Variants in HPS1 observed in about 807,000 individuals in gnomAD.
The protein encoded by HPS1 is HPS1 biogenesis of lysosomal organelles complex 3 subunit 1, also known as BLOC-3 complex member HPS1.
HPS1 carries 59 observed loss-of-function variants against 90.6 expected under a neutral mutation model. The ratio of observed to expected loss-of-function variants is 0.65; its 90% CI spans 0.53 to 0.81. HPS1 has a LOEUF of 0.81. Among genes scored for constraint, HPS1 ranks in the 30% least tolerant of loss-of-function variants. The pLI is 0.00. For missense variants in HPS1, 849 were observed against 896.7 expected (o/e 0.95, Z 0.68); for synonymous variants, 388 against 384.4 (o/e 1.01, Z -0.11).
At position 98,435,809 on chromosome 10, in the gene HPS1, G is replaced by A. The variant is rs1465931785; in HGVS notation, c.118-37C>T. On this transcript the variant is annotated intron_variant, in intron 3 of 19. Coordinates refer to ENST00000361490, the MANE Select transcript of HPS1 (RefSeq NM_000195.5). The surrounding 1 kb of genome is among the most constrained non-coding windows in gnomAD (Gnocchi z 4.3). ...GGGGAAAATTTCACAGCTTAGAGTG[G>A]GCCAGACACCAAGAACTAAGGAAGG... 5.0e-6 allele frequency: 8 copies of A among 1,613,880 alleles called. No homozygotes were observed. The highest frequency in any genetic ancestry group is 6.8e-6 in the Non-Finnish European group (8 of 1,179,896).
At chr10:98,415,849 T>G (rs1403907597), downstream of HPS1, among the ~76,000 whole-genome samples, 3 of 152,242 alleles carry the variant, frequency 2.0e-5, no homozygotes, top group African/African-American at 7.2e-5. Context: ...GCCTGGCCAG[T>G]TCTCCTCTTT....
At chr10:98,419,345 C>T (rs757584980) in intron 18 of HPS1, among the ~76,000 whole-genome samples, 11 of 151,858 alleles carry the variant, frequency 7.2e-5, no homozygotes, top group South Asian at 4.2e-4. Context: ...TGGTGACAAG[C>T]GAGATGCAAA....
chr10:98,426,120 G>T (rs1845574800), intron 11 of HPS1, 135 bp from the exon 12 acceptor site: 4 of 747,696 alleles, frequency 5.3e-6, no homozygotes, highest in Non-Finnish European at 8.7e-6. Flanking sequence ...CCTGCACTCT[G>T]CTGAACCTGC....
At chr10:98,439,270 C>T (rs982133381) in intron 3 of HPS1, among the ~76,000 whole-genome samples, 3 of 152,162 alleles carry the variant, frequency 2.0e-5, no homozygotes, top group Admixed American at 1.3e-4. Flanking sequence ...CATCCTCTAG[C>T]CCCCAGAATG....
rs932959089 is a variant in HPS1 at position 98,441,261 on chromosome 10, A to T, written c.117+1863T>A. Among the ~76,000 whole-genome samples the T allele has an allele frequency of 3.2e-4, 48 of 152,226 alleles. 1 individual carries two copies. Among genetic ancestry groups the T allele is most frequent in the Non-Finnish European group, 1.2e-4 (8 of 68,042 alleles). ...TACTCCTTTAAAATGTAGAGTGGAAATTATGTAAGTGAAAATGACAAGTAT... is the reference window on the plus strand; with the variant it reads ...TACTCCTTTAAAATGTAGAGTGGAATTTATGTAAGTGAAAATGACAAGTAT... On this transcript the variant is annotated intron_variant, in intron 3 of 19. Transcript: ENST00000361490.
In HPS1 at chr10:98,417,533, G is replaced by T. The variant is rs1223596480; in HGVS notation, c.*31C>A. 2 of 1,592,836 alleles carry T rather than the reference G, an allele frequency of 1.3e-6. No individual in the cohort carries two copies. On this transcript the variant is annotated 3_prime_UTR_variant, in exon 20 of 20. Transcript: ENST00000361490. This position sits in a 1 kb window ranked among gnomAD's most constrained non-coding sequence, Gnocchi z 4.2. ...GGCAAGCAAGGGTGGCTGGAGGACA[G>T]GATGCAAAGGCAGACTGCGGCCACC...
intron 3 of HPS1, among the ~76,000 whole-genome samples, chr10:98,440,154 T>C (rs903221698): frequency 1.3e-5 from 2 of 152,168 alleles, no homozygotes; most frequent in Non-Finnish European, 2.9e-5. Flanking sequence ...GGTAAGAAAA[T>C]GGACTAATAC....
At chr10:98,429,342 T>G (rs571560963) in intron 10 of HPS1, 1 of 1,462,094 alleles carries the variant, frequency 6.8e-7, no homozygotes, top group African/African-American at 1.4e-5. Context: ...AATCAACTTG[T>G]CATCAACAGC....
intron 13 of HPS1, among the ~76,000 whole-genome samples, chr10:98,425,097 A>G (rs1845417809): frequency 1.3e-5 from 2 of 152,158 alleles, no homozygotes; most frequent in Admixed American, 1.3e-4. Context: ...CCCTAAGCTC[A>G]CTGGGGGTGG....
At chr10:98,438,068 G>GT (rs1343235183) in intron 3 of HPS1, among the ~76,000 whole-genome samples, 1 of 152,196 alleles carries the variant, frequency 6.6e-6, no homozygotes, top group Non-Finnish European at 1.5e-5. Flanking sequence ...CACCACGACT[G>GT]TAAGTTTCCT....
intron 16 of HPS1, among the ~76,000 whole-genome samples, chr10:98,422,739 T>C (rs1392426534): frequency 6.6e-6 from 1 of 152,198 alleles, no homozygotes; most frequent in Admixed American, 6.5e-5. Flanking sequence ...ACTTGCACAT[T>C]TGACACGGGC....
Position 98,435,660 on chromosome 10 carries a change from C to T in HPS1, c.230G>A (p.Gly77Asp), listed in dbSNP as rs1847215719. Residue 77 changes from glycine (G) to aspartate (D), a missense_variant, in exon 4 of 20, where the codon GGC becomes GAC. Coordinates refer to ENST00000361490, the MANE Select transcript of HPS1 (RefSeq NM_000195.5). The surrounding 1 kb of genome is among the most constrained non-coding windows in gnomAD (Gnocchi z 4.3). Reference protein sequence around the residue: ...DTYTCFSTENGNFLYVLHLFG... With the variant: ...DTYTCFSTENDNFLYVLHLFG... ...CAGGTGAAGGACATACAGGAAGTTG[C>T]CATTTTCCGTGGAGAAGCAGGTGTA... is the stretch of plus-strand genomic sequence containing the variant. 2 of 1,614,166 alleles carry T rather than the reference C, an allele frequency of 1.2e-6. No homozygotes were observed. Among genetic ancestry groups the T allele is most frequent in the Non-Finnish European group, 1.7e-6 (2 of 1,180,030 alleles).
intron 3 of HPS1, among the ~76,000 whole-genome samples, chr10:98,438,374 A>C (rs578127321): frequency 6.6e-6 from 1 of 152,358 alleles, no homozygotes; most frequent in South Asian, 2.1e-4. Flanking sequence ...TCTGATAGTG[A>C]TATGGACAAT....
At chr10:98,428,596 A>G (rs1426521503) in intron 10 of HPS1, among the ~76,000 whole-genome samples, 4 of 152,108 alleles carry the variant, frequency 2.6e-5, no homozygotes, top group African/African-American at 9.7e-5. Flanking sequence ...AAAAGCAGCC[A>G]CATAATAAAT....
At chr10:98,436,039 C>T (rs1240233095) in intron 3 of HPS1, among the ~76,000 whole-genome samples, 1 of 152,152 alleles carries the variant, frequency 6.6e-6, no homozygotes, top group African/African-American at 2.4e-5. Context: ...GGCCTCATTA[C>T]AACAGTGGAA....
chr10:98,417,748 G>T lies in HPS1; in HGVS notation c.1941-22C>A. On this transcript the variant is annotated intron_variant, in intron 19 of 19. Coordinates refer to ENST00000361490, the MANE Select transcript of HPS1 (RefSeq NM_000195.5). This position sits in a 1 kb window ranked among gnomAD's most constrained non-coding sequence, Gnocchi z 4.2. ...CTTCCTGGGGAGGAAGGGGAGGATGGGATTCAGGAGTGAGGCTGTGGCACT... is the reference window on the plus strand; with the variant it reads ...CTTCCTGGGGAGGAAGGGGAGGATGTGATTCAGGAGTGAGGCTGTGGCACT... The T allele has an allele frequency of 6.2e-7, 1 of 1,612,316 alleles. No individual in the cohort carries two copies.
At chr10:98,429,960 G>A in intron 8 of HPS1, 71 bp from the exon 9 acceptor site, 1 of 1,399,706 alleles carries the variant, frequency 7.1e-7, no homozygotes, top group African/African-American at 1.4e-5. Context: ...CTGCCTCCCA[G>A]CGCTTCACAG....
intron 17 of HPS1, among the ~76,000 whole-genome samples, chr10:98,420,790 T>C (rs1844747200): frequency 6.6e-6 from 1 of 152,158 alleles, no homozygotes; most frequent in African/African-American, 2.4e-5. Flanking sequence ...AGGGACATCA[T>C]TAATGAACAC....
intron 16 of HPS1, 93 bp from the exon 17 acceptor site, chr10:98,422,606 G>A (rs1845038153): frequency 7.7e-7 from 1 of 1,299,356 alleles, no homozygotes; most frequent in Admixed American, 1.7e-5. Context: ...ATGGTGGCAG[G>A]AGGGCCAGGA....
Sources: allele counts gnomAD v4.1 joint callset (sites outside exome capture counted in the v4.1 genomes callset), GRCh38; gene constraint gnomAD v4.1.1; non-coding constraint Gnocchi (gnomAD v3.1); transcripts MANE v1.5; gene names NCBI Gene and HGNC (gene_info 2026-07-23, HGNC 2026-07-21).